PDS5B: variants seen among roughly 807,000 people sequenced by gnomAD.
PDS5B encodes PDS5 cohesin associated factor B.
A neutral mutation model predicts 184.1 loss-of-function variants in PDS5B; 51 were observed. That is an observed-to-expected ratio of 0.28 (90% CI 0.22 to 0.35). The LOEUF (loss-of-function observed/expected upper bound fraction) is 0.35, where lower values mean the gene tolerates loss of function less well. Among genes scored for constraint, PDS5B ranks in the 10% least tolerant of loss-of-function variants. The probability of loss-of-function intolerance (pLI) is 1.00; values close to 1 mark genes in which losing one functional copy is unlikely to be tolerated. For synonymous variants in PDS5B, 566 were observed against 569.2 expected, an observed-to-expected ratio of 0.99 and a Z score of 0.08; for missense variants, 1,180 against 1,723.3, an observed-to-expected ratio of 0.68 and a Z score of 5.58.
chr13:32,644,214 T>C (rs146461639), intron 1 of PDS5B, among the ~76,000 whole-genome samples: 1 of 152,340 alleles, frequency 6.6e-6, no homozygotes, highest in African/African-American at 2.4e-5. Context: ...CCCTGACTTA[T>C]GGTGGTTCAA....
intron 33 of PDS5B, among the ~76,000 whole-genome samples, chr13:32,772,845 CAA>C (rs1954836207): frequency 6.6e-6 from 1 of 152,050 alleles, no homozygotes; most frequent in Admixed American, 6.6e-5. Context: ...TAAGGCCAGA[CAA>C]AGACAGGTAC....
intron 13 of PDS5B, chr13:32,690,342 T>C (rs1273103933): frequency 6.6e-6 from 1 of 152,298 alleles, no homozygotes; most frequent in East Asian, 1.9e-4. Context: ...TTCTGACTGG[T>C]TGATGCCTGA....
intron 11 of PDS5B, among the ~76,000 whole-genome samples, chr13:32,685,678 C>T (rs1329814577): frequency 6.6e-6 from 1 of 152,158 alleles, no homozygotes; most frequent in African/African-American, 2.4e-5. Flanking sequence ...CAAAGTCTCC[C>T]TTTGTCACCC....
chr13:32,643,989 G>A (rs140531377), intron 1 of PDS5B, among the ~76,000 whole-genome samples: 1 of 152,022 alleles, frequency 6.6e-6, no homozygotes, highest in East Asian at 1.9e-4. Flanking sequence ...ATGTTGTCTG[G>A]ATGTAGGGAC....
At chr13:32,717,073 G>A (rs1312652512) in intron 19 of PDS5B, among the ~76,000 whole-genome samples, 1 of 146,090 alleles carries the variant, frequency 6.8e-6, no homozygotes, top group Non-Finnish European at 1.5e-5. Context: ...AGGTGGGGGG[G>A]TCAGCCCCCC....
Position 32,667,855 on chromosome 13 carries a change from C to T in PDS5B, c.705+11C>T, listed in dbSNP as rs570608138. 4.7e-5 allele frequency: 69 copies of T among 1,479,676 alleles called. No individual in the cohort carries two copies. The South Asian group carries it at 8.5e-4, about 18-fold the overall frequency. 91.7% of individuals were successfully genotyped at this position (1,479,676 alleles called of 1,614,324 possible). A position where few individuals can be genotyped will look rare whatever the true frequency, so the allele number is the denominator to read the frequency against. On this transcript the variant is annotated intron_variant, in intron 7 of 34. Transcript: ENST00000315596. ...CCATATATTACCAATGTAAGTCTTA[C>T]TTGTAATTGGTTGTCAGAAGGATTA...
intron 19 of PDS5B, among the ~76,000 whole-genome samples, chr13:32,721,398 C>T (rs1237248616): frequency 7.2e-5 from 11 of 152,048 alleles, no homozygotes; most frequent in Non-Finnish European, 1.5e-4. Flanking sequence ...GTGCCCCTCA[C>T]TTCCCAGACG....
At chr13:32,716,789 A>G (rs1593498411) in intron 19 of PDS5B, among the ~76,000 whole-genome samples, 1 of 88,986 alleles carries the variant, frequency 1.1e-5, no homozygotes, top group Non-Finnish European at 2.7e-5. Flanking sequence ...TCCGGGAGGG[A>G]GGTGGGGGGG....
chr13:32,757,837 C>T (rs143432242), intron 26 of PDS5B, among the ~76,000 whole-genome samples: 20 of 152,172 alleles, frequency 1.3e-4, no homozygotes, highest in African/African-American at 4.1e-4. Context: ...CCCTTTAACC[C>T]GCCTCCTTGG....
intron 1 of PDS5B, among the ~76,000 whole-genome samples, chr13:32,636,388 A>C (rs1191945507): frequency 6.6e-6 from 1 of 152,216 alleles, no homozygotes; most frequent in Admixed American, 6.5e-5. Flanking sequence ...ACTATATTGT[A>C]GTGTTAAGGC....
intron 1 of PDS5B, among the ~76,000 whole-genome samples, chr13:32,631,362 G>C (rs560024336): frequency 6.6e-6 from 1 of 152,120 alleles, no homozygotes; most frequent in African/African-American, 2.4e-5. Flanking sequence ...CAAAGTGTTA[G>C]GATTACAGGC....
At chr13:32,608,607 C>A (rs117766371) in intron 1 of PDS5B, among the ~76,000 whole-genome samples, 693 of 152,242 alleles carry the variant, frequency 4.6e-3, no homozygotes, top group Non-Finnish European at 7.3e-3. Context: ...AAGCTGGAAC[C>A]TACAGAGATT....
chr13:32,770,797 A>G (rs1233607968), intron 33 of PDS5B, 36 bp downstream of exon 33: 4 of 1,489,132 alleles, frequency 2.7e-6, no homozygotes, highest in Admixed American at 1.9e-5. Flanking sequence ...ACCAATTTCA[A>G]ATTATTTTGC....
rs1954360425 is a variant in PDS5B at position 32,760,664 on chromosome 13, T to G, written c.3462T>G (p.Thr1154=). 1 of 1,613,882 alleles carries G rather than the reference T, an allele frequency of 6.2e-7. No individual in the cohort carries two copies. Among genetic ancestry groups the G allele is most frequent in the African/African-American group, 1.3e-5 (1 of 74,914 alleles). Residue 1154 remains threonine, a synonymous_variant, in exon 30 of 35, where the codon ACT becomes ACG. Transcript: ENST00000315596. ...QSQTKSSRME[T]VSNASSSSNP... is the part of the protein sequence containing the mutation. ...AGACCAAATCATCACGAATGGAAAC[T>G]GTAAGCAATGCAAGCAGCAGCTCAA...
intron 33 of PDS5B, among the ~76,000 whole-genome samples, chr13:32,772,864 T>G (rs1954837153): frequency 6.6e-6 from 1 of 152,178 alleles, no homozygotes; most frequent in Non-Finnish European, 1.5e-5. Flanking sequence ...GTACACTATA[T>G]TCAAAGCAGA....
At chr13:32,596,510 T>G (rs2057873842) in intron 1 of PDS5B, among the ~76,000 whole-genome samples, 1 of 152,234 alleles carries the variant, frequency 6.6e-6, no homozygotes, top group Non-Finnish European at 1.5e-5. Flanking sequence ...TTCTCTTGAG[T>G]AAATACCTAG....
intron 25 of PDS5B, 121 bp downstream of exon 25, chr13:32,753,657 C>T (rs1273081019): frequency 3.2e-6 from 2 of 623,348 alleles, no homozygotes. Context: ...TTTTTATTAC[C>T]ATTTTTCAAT....
intron 23 of PDS5B, among the ~76,000 whole-genome samples, chr13:32,744,400 G>GT (rs1224864434): frequency 6.6e-6 from 1 of 152,152 alleles, no homozygotes; most frequent in African/African-American, 2.4e-5. Flanking sequence ...AGTCTTGGGA[G>GT]TTGGTAGGTG....
chr13:32,587,183 G>T (rs1432998334), intron 1 of PDS5B, among the ~76,000 whole-genome samples: 5 of 150,230 alleles, frequency 3.3e-5, no homozygotes, highest in Admixed American at 2.0e-4. Flanking sequence ...CCGCCGCCGG[G>T]TCCCCGCGCG....
Sources: gnomAD v4.1 joint callset for allele counts (sites outside exome capture counted in the v4.1 genomes callset) on GRCh38, gnomAD v4.1.1 for gene constraint, MANE v1.5 for transcripts, NCBI Gene and HGNC (gene_info 2026-07-23, HGNC 2026-07-21) for gene names.